TENM3: variants seen among roughly 807,000 people sequenced by gnomAD.
TENM3 encodes the protein teneurin transmembrane protein 3.
In TENM3, 63 loss-of-function variants were observed where a neutral mutation model predicts 255.1. The observed-to-expected ratio is 0.25, with a 90% CI of 0.20 to 0.30. TENM3 has a LOEUF of 0.30. Among genes scored for constraint, TENM3 ranks in the 10% least tolerant of loss-of-function variants. The pLI, the probability that TENM3 is intolerant of heterozygous loss-of-function variation, is 1.00. For missense variants in TENM3, 2,929 were observed against 3,461.1 expected, an observed-to-expected ratio of 0.85 and a Z score of 3.86; for synonymous variants, 1,306 against 1,322.3, an observed-to-expected ratio of 0.99 and a Z score of 0.27.
At chr4:182,374,498 A>G (rs1767047634) in intron 3 of TENM3, among the ~76,000 whole-genome samples, 1 of 152,156 alleles carries the variant, frequency 6.6e-6, no homozygotes, top group African/African-American at 2.4e-5. Flanking sequence ...ATTTTTCATC[A>G]TGGCACTCAA....
the TENM3 span, among the ~76,000 whole-genome samples, chr4:181,646,226 C>T: frequency 1.3e-5 from 2 of 152,176 alleles, no homozygotes; most frequent in Non-Finnish European, 2.9e-5. Flanking sequence ...CTCACATCTA[C>T]CTTCCTTTTA....
At chr4:182,449,104 GCGGC>G (rs1773214766) in intron 3 of TENM3, 1 of 275,798 alleles carries the variant, frequency 3.6e-6, no homozygotes, top group Admixed American at 4.3e-5. Context: ...GGCGGCGGCG[GCGGC>G]GGCCTGGGGC....
chr4:182,766,164 G>A (rs1763701270), intron 22 of TENM3, among the ~76,000 whole-genome samples: 1 of 152,126 alleles, frequency 6.6e-6, no homozygotes, highest in South Asian at 2.1e-4. Flanking sequence ...GAGAACAAAA[G>A]AGAAGGAGGG....
intron 5 of TENM3, 90 bp downstream of exon 5, chr4:182,628,979 T>G (rs1751096859): frequency 3.9e-6 from 3 of 773,294 alleles, no homozygotes; most frequent in Non-Finnish European, 6.2e-6. Flanking sequence ...TCTAGAAATA[T>G]ATTGTGAGAT....
chr4:182,775,119 A>G lies in TENM3; in HGVS notation c.5270A>G (p.Gln1757Arg), dbSNP rs756456518. The change falls in exon 24 of 28, where the codon CAA (glutamine) becomes CGA (arginine). Residue 1757 changes from glutamine to arginine, a missense_variant. Coordinates refer to ENST00000511685, the MANE Select transcript of TENM3 (RefSeq NM_001080477.4). Reference sequence around the variant, plus strand: ...TGGAGATTCCGAAAAGAGCAAGCCCAAGGGAAAGTCAATGTCTTTGGCCGC... The same window carrying G: ...TGGAGATTCCGAAAAGAGCAAGCCCGAGGGAAAGTCAATGTCTTTGGCCGC... The part of the protein sequence containing the change: ...VEWRFRKEQA[Q>R]GKVNVFGRKL... 2.5e-6 allele frequency: 4 copies of G among 1,614,014 alleles called. No individual in the cohort carries two copies. The Admixed American group carries it at 5.0e-5, about 20-fold the overall frequency.
At chr4:181,559,656 C>T in the TENM3 span, among the ~76,000 whole-genome samples, 1 of 152,212 alleles carries the variant, frequency 6.6e-6, no homozygotes, top group Non-Finnish European at 1.5e-5. Flanking sequence ...TTAGCTATTA[C>T]TAATATATTT....
intron 13 of TENM3, among the ~76,000 whole-genome samples, chr4:182,715,623 A>G (rs986314798): frequency 3.3e-5 from 5 of 152,284 alleles, no homozygotes; most frequent in Admixed American, 2.0e-4. Flanking sequence ...AGTGAACTTC[A>G]TAGAAGGTTG....
At chr4:181,687,527 T>G in the TENM3 span, among the ~76,000 whole-genome samples, 1 of 152,196 alleles carries the variant, frequency 6.6e-6, no homozygotes, top group African/African-American at 2.4e-5. Context: ...TGTTTCCATC[T>G]GTTTGTTCAT....
rs560558402 is a variant in TENM3, at chr4:182,472,584, A to G, written c.511+125655A>G. On this transcript the variant is annotated intron_variant, in intron 3 of 27. Transcript: ENST00000511685. ...CAAACTTTTTGCTTACATACTCACT[A>G]AAAGAATTTGATGAACTCAATACCC... 9.2e-5 allele frequency among the ~76,000 whole-genome samples: 14 copies of G among 152,336 alleles called. 1 individual carries two copies. In the South Asian group the frequency reaches 2.7e-3, roughly 29 times the overall value.
chr4:182,112,169 T>A, the TENM3 span, among the ~76,000 whole-genome samples: 1 of 152,168 alleles, frequency 6.6e-6, no homozygotes, highest in South Asian at 2.1e-4. Flanking sequence ...AAATAAAAAA[T>A]GAATGACTAC....
chr4:181,524,761 G>T, the TENM3 span, among the ~76,000 whole-genome samples: 1 of 152,130 alleles, frequency 6.6e-6, no homozygotes, highest in African/African-American at 2.4e-5. Flanking sequence ...TGGTTTACCA[G>T]GTAGGGGGTA....
the TENM3 span, among the ~76,000 whole-genome samples, chr4:182,106,384 C>G: frequency 2.0e-5 from 3 of 152,154 alleles, no homozygotes; most frequent in Non-Finnish European, 4.4e-5. Flanking sequence ...TCACTTGAGC[C>G]CGGAAGTCAA....
the TENM3 span, among the ~76,000 whole-genome samples, chr4:181,450,913 T>A: frequency 6.6e-6 from 1 of 152,148 alleles, no homozygotes; most frequent in East Asian, 1.9e-4. Context: ...TAGTCCTCAG[T>A]TAATGAAGTT....
chr4:182,544,139 A>G (rs934162498), intron 3 of TENM3, among the ~76,000 whole-genome samples: 2 of 152,146 alleles, frequency 1.3e-5, no homozygotes, highest in Non-Finnish European at 2.9e-5. Context: ...AACTAATAAC[A>G]AATATTGTAT....
chr4:181,853,987 A>G, the TENM3 span, among the ~76,000 whole-genome samples: 20 of 152,222 alleles, frequency 1.3e-4, no homozygotes, highest in Admixed American at 1.3e-3. Context: ...ATTCACTTGT[A>G]GCCATCCCAC....
chr4:181,532,709 A>T, the TENM3 span, among the ~76,000 whole-genome samples: 1 of 152,342 alleles, frequency 6.6e-6, no homozygotes, highest in South Asian at 2.1e-4. Context: ...GAAACCACCA[A>T]AGAGGAGAGG....
At chr4:181,548,338 G>A in the TENM3 span, among the ~76,000 whole-genome samples, 1 of 152,080 alleles carries the variant, frequency 6.6e-6, no homozygotes, top group Non-Finnish European at 1.5e-5. Context: ...TATAAATCAT[G>A]CTGCCATAAA....
At chr4:182,165,632 T>G (rs1751653490) in intron 1 of TENM3, among the ~76,000 whole-genome samples, 1 of 152,174 alleles carries the variant, frequency 6.6e-6, no homozygotes, top group African/African-American at 2.4e-5. Context: ...CTCTGGGACT[T>G]TTAGAAAATA....
chr4:182,653,869 G>A lies in TENM3; in HGVS notation c.1087G>A (p.Val363Met). ...TTCTGATACCATGCCAACAAACACT[G>A]TGTCATTACCTTCTGGAGACAATGG... ...VNSDTMPTNT[V>M]SLPSGDNGKL... Residue 363 changes from valine (V) to methionine (M), a missense_variant, in exon 6 of 28, where the codon GTG (valine) becomes ATG (methionine). Physicochemically the swap from Val to Met is conservative, Grantham distance 21. Around this residue, in one of 6 missense-constraint regions of TENM3, gnomAD observed 1,608 missense variants for 1,884.4 expected, o/e 0.85. Transcript: ENST00000511685. 1 of 1,612,616 alleles carries A rather than the reference G, an allele frequency of 6.2e-7. No homozygotes were observed. The highest frequency in any genetic ancestry group is 8.5e-7 in the Non-Finnish European group (1 of 1,179,244).
Sources: gnomAD v4.1 joint callset for allele counts (sites outside exome capture counted in the v4.1 genomes callset) on GRCh38, gnomAD v4.1.1 for gene constraint, gnomAD v4.1.1 regional missense constraint, MANE v1.5 for transcripts, NCBI Gene and HGNC (gene_info 2026-07-23, HGNC 2026-07-21) for gene names.